Variants in DAPK1 observed in about 807,000 individuals in gnomAD.
DAPK1 encodes the protein death associated protein kinase 1.
Under a neutral mutation model 144.9 loss-of-function variants are expected in DAPK1, and 56 were observed. The observed-to-expected ratio is 0.39, with a 90% confidence interval of 0.31 to 0.48. The LOEUF (loss-of-function observed/expected upper bound fraction) is 0.48, where lower values mean the gene tolerates loss of function less well. DAPK1 is among the 20% of genes least tolerant of loss of function. DAPK1 has a pLI of 0.95. For missense variants in DAPK1, 1,454 were observed against 1,875.4 expected, an observed-to-expected ratio of 0.78 and a Z score of 4.15; for synonymous variants, 690 against 749.0, an observed-to-expected ratio of 0.92 and a Z score of 1.29.
At chr9:87,552,693 G>A (rs1826540262) in intron 2 of DAPK1, among the ~76,000 whole-genome samples, 1 of 151,926 alleles carries the variant, frequency 6.6e-6, no homozygotes, top group Admixed American at 6.6e-5. Context: ...CTGGGCTTAG[G>A]TGATCCTCCT....
intron 3 of DAPK1, among the ~76,000 whole-genome samples, chr9:87,614,718 C>T (rs1015915354): frequency 6.6e-6 from 1 of 152,206 alleles, no homozygotes; most frequent in Non-Finnish European, 1.5e-5. Flanking sequence ...CCTCTCTTCG[C>T]TGCTCCAGTA....
At position 87,628,496 on chromosome 9, in the gene DAPK1, TCA is replaced by T. The variant is rs36209742; in HGVS notation, c.285-9446_285-9445del. 5.4e-4 allele frequency among the ~76,000 whole-genome samples: 82 copies of T among 152,314 alleles called. 1 individual carries two copies. The East Asian group carries it at 0.014, about 26-fold the overall frequency. Reference sequence around the variant, plus strand: ...TTCTTCCCCTTCCTGTGTCCCAGCTTCAGTTTTCATTCAGCAAAGTCCTCCAG... The same window carrying T: ...TTCTTCCCCTTCCTGTGTCCCAGCTTGTTTTCATTCAGCAAAGTCCTCCAG... On this transcript the variant is annotated intron_variant, in intron 3 of 25. Coordinates refer to ENST00000408954, the MANE Select transcript of DAPK1 (RefSeq NM_004938.4).
intron 19 of DAPK1, among the ~76,000 whole-genome samples, chr9:87,676,466 C>T (rs772920463): frequency 1.1e-4 from 16 of 152,220 alleles, no homozygotes; most frequent in East Asian, 5.8e-4. Context: ...GAGATATATT[C>T]GGATGTGCTT....
rs369065084 is a variant in DAPK1 at position 87,686,686 on chromosome 9, C to T, written c.2360C>T (p.Ser787Leu). The change falls in exon 21 of 26, where the codon TCG (serine) becomes TTG (leucine). Residue 787 changes from serine (S) to leucine (L), a missense_variant. Physicochemically the swap from Ser to Leu is moderately radical, Grantham distance 145. This residue lies in a region of DAPK1 where 1,025 missense variants were observed against 1,237.9 expected (regional missense o/e 0.83). Transcript: ENST00000408954. The surrounding 1 kb of genome is among the most constrained non-coding windows in gnomAD (Gnocchi z 4.2). ...GCCCCGACCCACCACCCGCACTGCT[C>T]GGCCGATGACCAGTCCACCAAGGCC... ...FVAPTHHPHC[S>L]ADDQSTKAID... 42 of 1,613,318 alleles carry T rather than the reference C, an allele frequency of 2.6e-5. No individual in the cohort carries two copies. Among genetic ancestry groups the T allele is most frequent in the African/African-American group, 9.3e-5 (7 of 75,012 alleles).
intron 2 of DAPK1, among the ~76,000 whole-genome samples, chr9:87,520,320 T>C (rs563778781): frequency 1.1e-3 from 163 of 152,234 alleles, no homozygotes; most frequent in African/African-American, 3.8e-3. Flanking sequence ...TGAATTAGCC[T>C]CCTCGCACTC....
intron 3 of DAPK1, among the ~76,000 whole-genome samples, chr9:87,610,926 A>T (rs1828898370): frequency 3.9e-5 from 6 of 152,234 alleles, no homozygotes; most frequent in Admixed American, 3.9e-4. Flanking sequence ...TCTTGTACAC[A>T]ATCCAAATTC....
chr9:87,518,107 T>TTTG (rs1299400321), intron 2 of DAPK1, among the ~76,000 whole-genome samples: 3 of 25,330 alleles, frequency 1.2e-4, no homozygotes, highest in African/African-American at 1.7e-4. Context: ...ATGTTGTTGT[T>TTTG]TTTTTTTTTT....
At chr9:87,586,547 G>A (rs998987552) in intron 2 of DAPK1, among the ~76,000 whole-genome samples, 1 of 152,040 alleles carries the variant, frequency 6.6e-6, no homozygotes, top group Non-Finnish European at 1.5e-5. Context: ...TATTGGACAC[G>A]TCATCTAAAC....
chr9:87,532,446 A>G (rs1274060261), intron 2 of DAPK1, among the ~76,000 whole-genome samples: 1 of 152,210 alleles, frequency 6.6e-6, no homozygotes, highest in African/African-American at 2.4e-5. Flanking sequence ...GAGAATATTT[A>G]TCCTCTAACC....
At chr9:87,507,829 A>G (rs2118066819) in intron 2 of DAPK1, among the ~76,000 whole-genome samples, 1 of 152,268 alleles carries the variant, frequency 6.6e-6, no homozygotes, top group East Asian at 1.9e-4. Context: ...CTTTTGGGAC[A>G]CATTTTATTT....
intron 3 of DAPK1, among the ~76,000 whole-genome samples, chr9:87,609,445 C>T (rs556047529): frequency 4.6e-5 from 7 of 152,216 alleles, no homozygotes; most frequent in African/African-American, 1.7e-4. Context: ...GGAAGTCTGT[C>T]CCATTTTTTA....
Position 87,699,316 on chromosome 9 carries a change from G to A in DAPK1, c.2750+522G>A, listed in dbSNP as rs36219127. 8.0e-3 allele frequency among the ~76,000 whole-genome samples: 1,211 copies of A among 152,262 alleles called. 15 individuals carry two copies. The highest frequency in any genetic ancestry group is 0.026 in the African/African-American group (1,097 of 41,542). ...TTAGCTGTTTAGATTTCAGTACTCA[G>A]TATTCAGTGTTCAGAAACACTAATC... On this transcript the variant is annotated intron_variant, in intron 23 of 25. Coordinates refer to ENST00000408954, the MANE Select transcript of DAPK1 (RefSeq NM_004938.4).
intron 18 of DAPK1, among the ~76,000 whole-genome samples, chr9:87,665,526 G>A (rs1274303733): frequency 6.6e-6 from 1 of 152,178 alleles, no homozygotes; most frequent in Non-Finnish European, 1.5e-5. Context: ...ACACAAATAG[G>A]TTTCCCTGTC....
rs1326447957 is a variant in DAPK1, at chr9:87,681,062, TGAGGTCGG to T, written c.2002-338_2002-331del. ...GGGAGGCCAAGGCGGGCGGATCACC[TGAGGTCGG>T]GAGTTCGAGACCAGCCTAACCAACA... On this transcript the variant is annotated intron_variant, in intron 19 of 25. Transcript: ENST00000408954. Among the ~76,000 whole-genome samples the T allele has an allele frequency of 2.0e-5, 3 of 152,296 alleles. No individual in the cohort carries two copies. The East Asian group carries it at 5.8e-4, about 29-fold the overall frequency.
At chr9:87,550,550 C>CTA (rs1248827760) in intron 2 of DAPK1, among the ~76,000 whole-genome samples, 1 of 152,260 alleles carries the variant, frequency 6.6e-6, no homozygotes, top group Non-Finnish European at 1.5e-5. Context: ...CCCTAAGGAC[C>CTA]TATGGTCCTC....
At chr9:87,644,844 G>A (rs538722542) in intron 11 of DAPK1, among the ~76,000 whole-genome samples, 1 of 152,204 alleles carries the variant, frequency 6.6e-6, no homozygotes, top group South Asian at 2.1e-4. Context: ...CTAATCATGG[G>A]GATGAGTCAT....
intron 2 of DAPK1, among the ~76,000 whole-genome samples, chr9:87,524,143 C>A (rs62562070): frequency 0.089 from 13,558 of 152,222 alleles, 891 homozygotes; most frequent in East Asian, 0.34. Flanking sequence ...GAGGTTCTTA[C>A]AGAGGAGGGG....
rs557841732 is a variant in DAPK1 at position 87,532,594 on chromosome 9, T to C, written c.62+33455T>C. ...ATATTATAATGTGAAATTCTTATTTTGATAGCATTTTTATACCCCCTATGC... is the reference window on the plus strand; with the variant it reads ...ATATTATAATGTGAAATTCTTATTTCGATAGCATTTTTATACCCCCTATGC... On this transcript the variant is annotated intron_variant, in intron 2 of 25. Transcript: ENST00000408954. Among the ~76,000 whole-genome samples, 8 of 152,364 alleles carry C rather than the reference T, an allele frequency of 5.3e-5. 1 individual carries two copies. Among genetic ancestry groups the C allele is most frequent in the African/African-American group, 1.7e-4 (7 of 41,578 alleles).
chr9:87,571,170 A>T (rs1227135416), intron 2 of DAPK1, among the ~76,000 whole-genome samples: 1 of 152,078 alleles, frequency 6.6e-6, no homozygotes, highest in East Asian at 1.9e-4. Context: ...CTAAGGGAAC[A>T]GTGACTTAAT....
Sources: gnomAD v4.1 joint callset for allele counts (sites outside exome capture counted in the v4.1 genomes callset) on GRCh38, gnomAD v4.1.1 for gene constraint, gnomAD v4.1.1 regional missense constraint, Gnocchi (gnomAD v3.1) non-coding constraint, MANE v1.5 for transcripts, NCBI Gene and HGNC (gene_info 2026-07-23, HGNC 2026-07-21) for gene names.